RORB: variants seen among roughly 807,000 people sequenced by gnomAD.
The protein encoded by RORB is RAR related orphan receptor B.
A neutral mutation model predicts 59.1 loss-of-function variants in RORB; 6 were observed. The observed-to-expected ratio is 0.10, with a 90% confidence interval of 0.06 to 0.20. The LOEUF (loss-of-function observed/expected upper bound fraction) is 0.20. RORB is among the 10% of genes least tolerant of loss of function. RORB has a pLI of 1.00. For synonymous variants in RORB, 215 were observed against 204.5 expected, an observed-to-expected ratio of 1.05 and a Z score of -0.44; for missense variants, 320 against 560.5, an observed-to-expected ratio of 0.57 and a Z score of 4.33.
At chr9:74,632,996 T>C (rs1823644176) in intron 2 of RORB, among the ~76,000 whole-genome samples, 1 of 152,140 alleles carries the variant, frequency 6.6e-6, no homozygotes, top group Non-Finnish European at 1.5e-5. Context: ...CTAGTCCCTG[T>C]TGAATGGCTA....
intron 1 of RORB, among the ~76,000 whole-genome samples, chr9:74,594,906 C>G (rs1587375872): frequency 1.3e-5 from 2 of 152,122 alleles, no homozygotes; most frequent in Admixed American, 1.3e-4. Flanking sequence ...GGATATCCTC[C>G]CCTTTTTATG....
At chr9:74,568,273 G>GA (rs1822497597) in intron 1 of RORB, among the ~76,000 whole-genome samples, 1 of 148,912 alleles carries the variant, frequency 6.7e-6, no homozygotes, top group Non-Finnish European at 1.5e-5. Context: ...TTTTTTTTTT[G>GA]AAAATAGAAA....
chr9:74,569,052 G>T (rs191018776), intron 1 of RORB, among the ~76,000 whole-genome samples: 1 of 152,164 alleles, frequency 6.6e-6, no homozygotes, highest in East Asian at 1.9e-4. Flanking sequence ...TGAACAGGTT[G>T]TTGCTAGGAT....
chr9:74,537,017 T>G (rs1174973747), intron 1 of RORB, among the ~76,000 whole-genome samples: 2 of 152,022 alleles, frequency 1.3e-5, no homozygotes, highest in African/African-American at 2.4e-5. Flanking sequence ...TGGTAATATA[T>G]ATATAAGGCA....
At chr9:74,645,451 C>T (rs1297405977) in intron 4 of RORB, among the ~76,000 whole-genome samples, 1 of 152,136 alleles carries the variant, frequency 6.6e-6, no homozygotes, top group Non-Finnish European at 1.5e-5. Flanking sequence ...TGCCTTTTCC[C>T]TTAAACAATT....
chr9:74,541,279 C>CAAA (rs374556016), intron 1 of RORB, among the ~76,000 whole-genome samples: 3 of 43,574 alleles, frequency 6.9e-5, no homozygotes, highest in South Asian at 2.2e-3. Flanking sequence ...GACTCCATCT[C>CAAA]AAAAAAAAAA....
rs1824708396 is a variant in RORB, at chr9:74,689,612, ACT to A, written c.*3997_*3998del. ...TCCAAGAGATCTTAAATCATAATAA[ACT>A]CTGAATATTAACAAGAGGTGCCAGG... is the stretch of plus-strand genomic sequence containing the variant. On this transcript the variant is annotated 3_prime_UTR_variant, in exon 10 of 10. Coordinates refer to ENST00000376896, the MANE Select transcript of RORB (RefSeq NM_006914.4). 1 of 152,062 alleles carries A rather than the reference ACT, an allele frequency of 6.6e-6. No homozygotes were observed. The highest frequency in any genetic ancestry group is 2.4e-5 in the African/African-American group (1 of 41,374). The allele number at this position is 152,062 out of a possible 1,614,324, so 9.4% of individuals were successfully genotyped here.
intron 9 of RORB, among the ~76,000 whole-genome samples, chr9:74,677,700 C>A (rs1824469068): frequency 6.6e-6 from 1 of 152,166 alleles, no homozygotes; most frequent in South Asian, 2.1e-4. Flanking sequence ...AGGTGAGGAA[C>A]CTGAGCATTA....
chr9:74,672,059 G>C (rs1012494805), intron 9 of RORB, among the ~76,000 whole-genome samples, 158 bp downstream of exon 9: 2 of 152,158 alleles, frequency 1.3e-5, no homozygotes, highest in Non-Finnish European at 2.9e-5. Context: ...AGAGAGGCTA[G>C]TGAATTGTAA....
chr9:74,666,470 A>T (rs564999591), intron 7 of RORB, among the ~76,000 whole-genome samples: 2 of 151,550 alleles, frequency 1.3e-5, no homozygotes, highest in African/African-American at 4.8e-5. Context: ...AAAAAAAAAA[A>T]GGAAAGAAAT....
At chr9:74,653,299 CA>C (rs1442400302) in intron 4 of RORB, among the ~76,000 whole-genome samples, 2 of 152,138 alleles carry the variant, frequency 1.3e-5, no homozygotes, top group Non-Finnish European at 2.9e-5. Context: ...GCCACTAATT[CA>C]CAGTGAATCT....
chr9:74,599,801 T>G (rs1823026946), intron 1 of RORB, among the ~76,000 whole-genome samples: 2 of 152,262 alleles, frequency 1.3e-5, no homozygotes, highest in South Asian at 4.1e-4. Context: ...CTGGCCTTCT[T>G]CTGGGGTGCT....
intron 1 of RORB, among the ~76,000 whole-genome samples, chr9:74,606,314 C>G (rs1392813645): frequency 6.6e-6 from 1 of 152,206 alleles, no homozygotes; most frequent in Non-Finnish European, 1.5e-5. Flanking sequence ...TTTAAGTAGA[C>G]TAAACTCCTG....
intron 1 of RORB, among the ~76,000 whole-genome samples, chr9:74,594,118 A>T (rs1443140810): frequency 1.3e-5 from 2 of 152,222 alleles, no homozygotes; most frequent in Non-Finnish European, 2.9e-5. Context: ...TGGATGGCTG[A>T]GACTTCAGTA....
At chr9:74,556,149 T>A (rs1358931867) in intron 1 of RORB, among the ~76,000 whole-genome samples, 2 of 152,244 alleles carry the variant, frequency 1.3e-5, no homozygotes, top group African/African-American at 4.8e-5. Context: ...CATTTATGTA[T>A]AGCCATCAAT....
At chr9:74,562,736 A>G (rs1822414468) in intron 1 of RORB, among the ~76,000 whole-genome samples, 1 of 152,224 alleles carries the variant, frequency 6.6e-6, no homozygotes, top group Admixed American at 6.5e-5. Context: ...GAGAGCACAC[A>G]ACTAGGATTT....
chr9:74,530,838 A>T (rs1437596908), intron 1 of RORB, among the ~76,000 whole-genome samples: 1 of 151,864 alleles, frequency 6.6e-6, no homozygotes, highest in Non-Finnish European at 1.5e-5. Context: ...CTCGTCATTT[A>T]CATTAGGTGT....
In RORB at chr9:74,685,488, C is replaced by T. The variant is rs767844136; in HGVS notation, c.1250C>T (p.Thr417Met). The change falls in exon 10 of 10, where the codon ACG (threonine) becomes ATG (methionine). Residue 417 changes from threonine to methionine, a missense_variant. By Grantham distance (81) the Thr-to-Met change is moderately conservative. Around this residue, in one of 4 missense-constraint regions of RORB, gnomAD observed 109 missense variants for 171.0 expected, o/e 0.64. Coordinates refer to ENST00000376896, the MANE Select transcript of RORB (RefSeq NM_006914.4). ...TTAATAGCCAAGATACCAACCATCA[C>T]GGCAGTTTGCAACTTGCACGGGGAG... ...AKLIAKIPTITAVCNLHGEKL... is the reference protein window; with the variant it reads ...AKLIAKIPTIMAVCNLHGEKL... 2.5e-6 allele frequency: 4 copies of T among 1,612,344 alleles called. No homozygotes were observed. Among genetic ancestry groups the T allele is most frequent in the East Asian group, 2.2e-5 (1 of 44,842 alleles).
At chr9:74,499,523 G>T (rs972079349) in intron 1 of RORB, among the ~76,000 whole-genome samples, 3 of 152,192 alleles carry the variant, frequency 2.0e-5, no homozygotes, top group Non-Finnish European at 4.4e-5. Flanking sequence ...AGGACGTCCT[G>T]ATGGGATGGT....
Sources: gnomAD v4.1 joint callset for allele counts (sites outside exome capture counted in the v4.1 genomes callset) on GRCh38, gnomAD v4.1.1 for gene constraint, gnomAD v4.1.1 regional missense constraint, MANE v1.5 for transcripts, NCBI Gene and HGNC (gene_info 2026-07-23, HGNC 2026-07-21) for gene names.